Variants in GTSE1 observed in about 807,000 individuals in gnomAD.
The protein encoded by GTSE1 is G2 and S-phase expressed 1.
GTSE1 carries 52 observed loss-of-function variants against 60.5 expected under a neutral mutation model. That is an observed-to-expected ratio of 0.86 (90% CI 0.69 to 1.08). The LOEUF (loss-of-function observed/expected upper bound fraction) is 1.08. GTSE1 is among the 50% of genes least tolerant of loss of function. GTSE1 has a pLI of 0.00. For missense variants in GTSE1, 937 were observed against 961.8 expected (o/e 0.97, Z 0.34); for synonymous variants, 368 against 386.5 (o/e 0.95, Z 0.56).
intron 6 of GTSE1, among the ~76,000 whole-genome samples, chr22:46,315,066 T>G (rs1270714535): frequency 9.5e-6 from 1 of 105,224 alleles, no homozygotes; most frequent in Non-Finnish European, 1.9e-5. Flanking sequence ...TTTTTGTGGG[T>G]TTTTTTTTTT....
At chr22:46,308,295 A>G (rs1948248981) in intron 3 of GTSE1, 24 bp from the exon 4 acceptor site, 1 of 1,610,322 alleles carries the variant, frequency 6.2e-7, no homozygotes, top group Admixed American at 1.7e-5. Flanking sequence ...TGAGTTATTA[A>G]TCATTCTTTT....
At position 46,328,726 on chromosome 22, in the gene GTSE1, C is replaced by G. The variant is rs750967626; in HGVS notation, c.1763C>G (p.Ser588Cys). 1 of 1,613,914 alleles carries G rather than the reference C, an allele frequency of 6.2e-7. No homozygotes were observed. The highest frequency in any genetic ancestry group is 1.1e-5 in the South Asian group (1 of 91,084). The change falls in exon 10 of 12, where the codon TCC (serine) becomes TGC (cysteine). Residue 588 changes from serine to cysteine, a missense_variant. Ser to Cys is a moderately radical substitution (Grantham distance 112, BLOSUM62 -1). Transcript: ENST00000454366. ...AGGGAGAGCAACAGAAAGACAGATT[C>G]CAGGCTGGTGGATGTGTCCCCTGAC... ...PTRESNRKTD[S>C]RLVDVSPDRG...
At position 46,319,807 on chromosome 22, in the gene GTSE1, G is replaced by A. The variant is rs2147827314; in HGVS notation, c.1433-3383G>A. Among the ~76,000 whole-genome samples the A allele has an allele frequency of 6.6e-6, 1 of 152,162 alleles. No individual in the cohort carries two copies. Among genetic ancestry groups the A allele is most frequent in the African/African-American group, 2.4e-5 (1 of 41,508 alleles). On this transcript the variant is annotated intron_variant, in intron 7 of 11. Coordinates refer to ENST00000454366, the MANE Select transcript of GTSE1 (RefSeq NM_016426.7). This position sits in a 1 kb window ranked among gnomAD's most constrained non-coding sequence, Gnocchi z 5.0. ...TCGAGAGCAGCCTGGTCAACATGGT[G>A]AAACCCTGTCTCTACTAAAAATAGA...
At chr22:46,307,037 C>T (rs558650299) in intron 2 of GTSE1, among the ~76,000 whole-genome samples, 1 of 152,280 alleles carries the variant, frequency 6.6e-6, no homozygotes, top group Non-Finnish European at 1.5e-5. Context: ...GGTCCAGGCA[C>T]TGCGGGAGCC....
intron 5 of GTSE1, among the ~76,000 whole-genome samples, chr22:46,312,721 G>A (rs901129044): frequency 1.8e-4 from 27 of 152,026 alleles, no homozygotes; most frequent in African/African-American, 6.5e-4. Context: ...AAGAATACTG[G>A]CTTCGCAGTG....
In GTSE1 at chr22:46,309,064, G is replaced by A; in HGVS notation, c.762+121G>A. On this transcript the variant is annotated intron_variant, in intron 4 of 11. Coordinates refer to ENST00000454366, the MANE Select transcript of GTSE1 (RefSeq NM_016426.7). The surrounding 1 kb of genome is among the most constrained non-coding windows in gnomAD (Gnocchi z 6.2). Reference sequence around the variant, plus strand: ...GAGTCTCTGAGGCCTACAAAACACAGGAATGCGGAGTCCAGGAAAAGCAGT... The same window carrying A: ...GAGTCTCTGAGGCCTACAAAACACAAGAATGCGGAGTCCAGGAAAAGCAGT... 1 of 1,105,450 alleles carries A rather than the reference G, an allele frequency of 9.0e-7. No individual in the cohort carries two copies. Among genetic ancestry groups the A allele is most frequent in the Non-Finnish European group, 1.3e-6 (1 of 786,792 alleles). The allele number at this position is 1,105,450 out of a possible 1,614,324, so 68.5% of individuals were successfully genotyped here.
intron 2 of GTSE1, among the ~76,000 whole-genome samples, chr22:46,299,782 CTTTTCTTTTTTCT>C (rs993207453): frequency 1.3e-5 from 2 of 151,658 alleles, no homozygotes; most frequent in Admixed American, 6.6e-5. Flanking sequence ...AAGCTCTTTT[CTTTTCTTTTTTCT>C]TTTTCTTTTT....
Position 46,316,023 on chromosome 22 carries a change from A to AC in GTSE1, c.1052-7dup, listed in dbSNP as rs11446441. ...ATAATAATGTGATTTTTGTGTGTAT[A>AC]CCTTCTAGCTAAATCAAGTGAATTT... On this transcript the variant is annotated splice_polypyrimidine_tract_variant and intron_variant, in intron 6 of 11. Transcript: ENST00000454366. The surrounding 1 kb of genome is among the most constrained non-coding windows in gnomAD (Gnocchi z 5.0). 212,046 of 1,501,748 alleles carry AC rather than the reference A, an allele frequency of 0.14. 19,733 individuals are homozygous for AC. The highest frequency in any genetic ancestry group is 0.46 in the African/African-American group (32,697 of 71,358). The allele number at this position is 1,501,748 out of a possible 1,614,324, so 93.0% of individuals were successfully genotyped here.
chr22:46,308,052 T>G, intron 2 of GTSE1, 98 bp from the exon 3 acceptor site: 1 of 828,050 alleles, frequency 1.2e-6, no homozygotes, highest in Non-Finnish European at 2.1e-6. Flanking sequence ...GAGTGAAATT[T>G]CACAGTACCT....
rs531131300 is a variant in GTSE1 at position 46,317,128 on chromosome 22, A to AT, written c.1432+726dup. On this transcript the variant is annotated intron_variant, in intron 7 of 11. Coordinates refer to ENST00000454366, the MANE Select transcript of GTSE1 (RefSeq NM_016426.7). The surrounding 1 kb of genome is among the most constrained non-coding windows in gnomAD (Gnocchi z 5.6). ...AGGTGCCCACCACCACACCCGGCTAATTTTTTTTTTGTATTTTTGGTAGAG... is the reference window on the plus strand; with the variant it reads ...AGGTGCCCACCACCACACCCGGCTAATTTTTTTTTTTGTATTTTTGGTAGAG... Among the ~76,000 whole-genome samples, 1,693 of 148,972 alleles carry AT rather than the reference A, an allele frequency of 0.011. 8 individuals carry two copies. The highest frequency in any genetic ancestry group is 0.022 in the Admixed American group (324 of 14,994).
chr22:46,311,439 A>G (rs2077748264), intron 4 of GTSE1, among the ~76,000 whole-genome samples: 1 of 152,212 alleles, frequency 6.6e-6, no homozygotes, highest in Non-Finnish European at 1.5e-5. Context: ...TGGTTGTACA[A>G]CATAACAGAT....
chr22:46,327,702 T>C (rs376718747), intron 9 of GTSE1, among the ~76,000 whole-genome samples: 3 of 152,166 alleles, frequency 2.0e-5, no homozygotes, highest in Non-Finnish European at 4.4e-5. Flanking sequence ...AAAAAACATA[T>C]ATAATATCCG....
chr22:46,313,664 A>G lies in GTSE1; in HGVS notation c.928-226A>G, dbSNP rs1475582584. On this transcript the variant is annotated intron_variant, in intron 5 of 11. Coordinates refer to ENST00000454366, the MANE Select transcript of GTSE1 (RefSeq NM_016426.7). The surrounding 1 kb of genome is among the most constrained non-coding windows in gnomAD (Gnocchi z 4.4). ...GCTGGGACTACAGGTGCCTGCCACC[A>G]TGCCCAGCTAGTTTTTATATTTTTA... is the stretch of plus-strand genomic sequence containing the variant. Among the ~76,000 whole-genome samples, 1 of 152,128 alleles carries G rather than the reference A, an allele frequency of 6.6e-6. No homozygotes were observed. Among genetic ancestry groups the G allele is most frequent in the Non-Finnish European group, 1.5e-5 (1 of 68,026 alleles).
intron 8 of GTSE1, among the ~76,000 whole-genome samples, chr22:46,325,248 G>A (rs568399199): frequency 7.2e-5 from 11 of 152,196 alleles, no homozygotes; most frequent in Non-Finnish European, 1.5e-4. Flanking sequence ...CTAGGCTGGA[G>A]TGCAGTGGCG....
At chr22:46,315,896 C>G (rs2077776231) in intron 6 of GTSE1, 136 bp from the exon 7 acceptor site, 1 of 655,658 alleles carries the variant, frequency 1.5e-6, no homozygotes, top group Non-Finnish European at 2.5e-6. Flanking sequence ...GATGATGTTG[C>G]CTGAAGGGCT....
At chr22:46,307,841 GT>G (rs2077723922) in intron 2 of GTSE1, among the ~76,000 whole-genome samples, 1 of 151,992 alleles carries the variant, frequency 6.6e-6, no homozygotes, top group South Asian at 2.1e-4. Context: ...GCCAGGCATG[GT>G]GGCTCACGCC....
rs1424289513 is a variant in GTSE1 at position 46,297,605 on chromosome 22, A to G, written c.79+126A>G. Reference sequence around the variant, plus strand: ...CTTGTACTCTGCACCTGTGAAACACATGACATCTGCCTTCGTTTTCTGGTT... The same window carrying G: ...CTTGTACTCTGCACCTGTGAAACACGTGACATCTGCCTTCGTTTTCTGGTT... On this transcript the variant is annotated intron_variant, in intron 2 of 11. Coordinates refer to ENST00000454366, the MANE Select transcript of GTSE1 (RefSeq NM_016426.7). The surrounding 1 kb of genome is among the most constrained non-coding windows in gnomAD (Gnocchi z 4.9). 4.5e-6 allele frequency: 3 copies of G among 671,666 alleles called. No individual in the cohort carries two copies. Among genetic ancestry groups the G allele is most frequent in the South Asian group, 3.6e-5 (2 of 55,336 alleles). The allele number at this position is 671,666 out of a possible 1,614,324, so 41.6% of individuals were successfully genotyped here. A position where few individuals can be genotyped will look rare whatever the true frequency, so the allele number is the denominator to read the frequency against.
rs1569049508 is a variant in GTSE1 at position 46,329,421 on chromosome 22, C to T, written c.1990C>T (p.Leu664Phe). Residue 664 changes from leucine to phenylalanine, a missense_variant, in exon 11 of 12, where the codon CTC (leucine) becomes TTC (phenylalanine). Coordinates refer to ENST00000454366, the MANE Select transcript of GTSE1 (RefSeq NM_016426.7). The surrounding 1 kb of genome is among the most constrained non-coding windows in gnomAD (Gnocchi z 6.4). Reference protein sequence around the residue: ...AVTPDAASQPLIDLPLIDFCD... With the variant: ...AVTPDAASQPFIDLPLIDFCD... The stretch of plus-strand genomic sequence containing the variant: ...CACTCCAGATGCTGCAAGCCAGCCC[C>T]TCATTGACCTTCCTCTCATCGACTT... The T allele has an allele frequency of 6.2e-7, 1 of 1,614,230 alleles. No homozygotes were observed. The highest frequency in any genetic ancestry group is 8.5e-7 in the Non-Finnish European group (1 of 1,180,026).
At position 46,330,261 on chromosome 22, in the gene GTSE1, A is replaced by G. The variant is rs2077868894; in HGVS notation, c.*131A>G. ...CTTGGGAGGCTGAGGTGGGCGGATT[A>G]CTTGAGCCCAGGAGTTCGGGACCAG... is the stretch of plus-strand genomic sequence containing the variant. On this transcript the variant is annotated 3_prime_UTR_variant, in exon 12 of 12. Coordinates refer to ENST00000454366, the MANE Select transcript of GTSE1 (RefSeq NM_016426.7). This position sits in a 1 kb window ranked among gnomAD's most constrained non-coding sequence, Gnocchi z 6.0. 1.6e-6 allele frequency: 1 copy of G among 642,308 alleles called. No individual in the cohort carries two copies. Among genetic ancestry groups the G allele is most frequent in the Admixed American group, 2.4e-5 (1 of 42,018 alleles). The allele number at this position is 642,308 out of a possible 1,614,324, so 39.8% of individuals were successfully genotyped here. A position where few individuals can be genotyped will look rare whatever the true frequency, so the allele number is the denominator to read the frequency against.
Sources: allele counts gnomAD v4.1 joint callset (sites outside exome capture counted in the v4.1 genomes callset), GRCh38; gene constraint gnomAD v4.1.1; non-coding constraint Gnocchi (gnomAD v3.1); transcripts MANE v1.5; gene names NCBI Gene and HGNC (gene_info 2026-07-23, HGNC 2026-07-21).